SGCZ: variants seen among roughly 807,000 people sequenced by gnomAD.
The protein encoded by SGCZ is zeta-sarcoglycan.
Under a neutral mutation model 41.3 loss-of-function variants are expected in SGCZ, and 40 were observed. That is an observed-to-expected ratio of 0.97 (90% CI 0.75 to 1.26). The LOEUF (loss-of-function observed/expected upper bound fraction) is 1.26, where lower values mean the gene tolerates loss of function less well. Among genes scored for constraint, SGCZ ranks in the 50% most tolerant of loss-of-function variants. The pLI is 0.00. For missense variants in SGCZ, 552 were observed against 369.8 expected, an observed-to-expected ratio of 1.49 and a Z score of -4.04; for synonymous variants, 206 against 137.5, an observed-to-expected ratio of 1.50 and a Z score of -3.49.
intron 1 of SGCZ, among the ~76,000 whole-genome samples, chr8:14,904,035 A>C (rs905029718): frequency 6.6e-6 from 1 of 152,068 alleles, no homozygotes; most frequent in South Asian, 2.1e-4. Flanking sequence ...TTAAAAGTCA[A>C]CTAAAGGAAA....
At chr8:14,145,161 C>A (rs1265019801) in intron 5 of SGCZ, among the ~76,000 whole-genome samples, 1 of 152,162 alleles carries the variant, frequency 6.6e-6, no homozygotes, top group East Asian at 1.9e-4. Context: ...CAGTTCTGAC[C>A]AAGTGCAGTC....
chr8:14,247,556 T>G (rs1799146511), intron 3 of SGCZ, among the ~76,000 whole-genome samples: 1 of 152,204 alleles, frequency 6.6e-6, no homozygotes, highest in Non-Finnish European at 1.5e-5. Context: ...TATCTCTATC[T>G]AAAGTAACAA....
chr8:15,006,732 G>A (rs1041242937), intron 1 of SGCZ, among the ~76,000 whole-genome samples: 3 of 152,128 alleles, frequency 2.0e-5, no homozygotes, highest in Admixed American at 6.5e-5. Context: ...AAATCTTGAC[G>A]AGATTACATT....
chr8:14,805,761 A>G (rs1412597494), intron 1 of SGCZ, among the ~76,000 whole-genome samples: 1 of 152,008 alleles, frequency 6.6e-6, no homozygotes, highest in Non-Finnish European at 1.5e-5. Flanking sequence ...CTCCACCCCA[A>G]ATCAACAGAA....
chr8:14,102,503 A>T lies in SGCZ; in HGVS notation c.621-4T>A, dbSNP rs201479183. 2.0e-4 allele frequency: 276 copies of T among 1,392,630 alleles called. 2 individuals carry two copies. In the African/African-American group the frequency reaches 3.3e-3, roughly 16 times the overall value. 86.3% of individuals were successfully genotyped at this position (1,392,630 alleles called of 1,614,324 possible). ...GGATCTGGTGGGTGATTCAAGCCTA[A>T]GGGAAAAACAAAAAATCATTAATAG... On this transcript the variant is annotated splice_polypyrimidine_tract_variant and splice_region_variant and intron_variant, in intron 6 of 7. Transcript: ENST00000382080.
intron 4 of SGCZ, among the ~76,000 whole-genome samples, chr8:14,177,958 C>CCTT (rs1554472807): frequency 1.3e-4 from 12 of 95,044 alleles, no homozygotes; most frequent in African/African-American, 3.7e-4. Context: ...CTTTTTTTTT[C>CCTT]TTTTTTTTTT....
At chr8:14,177,139 T>C (rs1585203563) in intron 4 of SGCZ, among the ~76,000 whole-genome samples, 1 of 151,622 alleles carries the variant, frequency 6.6e-6, no homozygotes. Flanking sequence ...TGGGGTGGAG[T>C]TGCCTCGCTG....
intron 1 of SGCZ, among the ~76,000 whole-genome samples, chr8:14,600,711 A>T (rs1805563385): frequency 6.6e-6 from 1 of 152,318 alleles, no homozygotes; most frequent in African/African-American, 2.4e-5. Flanking sequence ...CATGATTTCA[A>T]CTAAAAAAAA....
intron 1 of SGCZ, among the ~76,000 whole-genome samples, chr8:14,962,932 G>C (rs1801008703): frequency 2.6e-5 from 4 of 152,116 alleles, no homozygotes; most frequent in Admixed American, 2.0e-4. Context: ...TGGCAACAGG[G>C]GATTAGCCCT....
At chr8:14,746,091 T>C (rs1161400348) in intron 1 of SGCZ, among the ~76,000 whole-genome samples, 1 of 152,030 alleles carries the variant, frequency 6.6e-6, no homozygotes, top group African/African-American at 2.4e-5. Flanking sequence ...TTTGTTACCA[T>C]TTTCCATAAA....
chr8:14,747,494 A>G (rs932884244), intron 1 of SGCZ, among the ~76,000 whole-genome samples: 52 of 152,152 alleles, frequency 3.4e-4, no homozygotes, highest in Admixed American at 2.7e-3. Flanking sequence ...TGCACATGCC[A>G]TTACTATTTT....
At chr8:14,183,867 T>C (rs1190002627) in intron 4 of SGCZ, among the ~76,000 whole-genome samples, 2 of 152,084 alleles carry the variant, frequency 1.3e-5, no homozygotes, top group African/African-American at 4.8e-5. Context: ...GTTATAAGAA[T>C]TGGAAAGAAA....
chr8:15,121,003 C>T (rs1203255373), intron 1 of SGCZ, among the ~76,000 whole-genome samples: 1 of 152,184 alleles, frequency 6.6e-6, no homozygotes, highest in Non-Finnish European at 1.5e-5. Flanking sequence ...TTTCATTTAT[C>T]TGAACACATT....
intron 1 of SGCZ, among the ~76,000 whole-genome samples, chr8:15,157,631 G>C (rs952194469): frequency 7.9e-5 from 12 of 152,028 alleles, no homozygotes; most frequent in African/African-American, 2.9e-4. Flanking sequence ...TTACAGCTCT[G>C]GAACAAGTGA....
intron 3 of SGCZ, among the ~76,000 whole-genome samples, chr8:14,291,167 G>C (rs988963051): frequency 6.6e-6 from 1 of 152,034 alleles, no homozygotes; most frequent in Non-Finnish European, 1.5e-5. Context: ...AAAATGGGGA[G>C]AGTCAGGGAA....
chr8:14,789,076 C>T (rs1449972666), intron 1 of SGCZ, among the ~76,000 whole-genome samples: 1 of 152,156 alleles, frequency 6.6e-6, no homozygotes, highest in Non-Finnish European at 1.5e-5. Context: ...CCCTGCGCCT[C>T]ATTTCTGAAC....
At chr8:14,983,978 AC>A (rs1801752100) in intron 1 of SGCZ, among the ~76,000 whole-genome samples, 1 of 152,182 alleles carries the variant, frequency 6.6e-6, no homozygotes. Context: ...TTAGACTTAT[AC>A]CCAATCAGTA....
chr8:14,122,206 G>A lies in SGCZ; in HGVS notation c.548-13971C>T, dbSNP rs558500984. ...GCAGGAGAATGGCGTGAACCCGGGA[G>A]GTGGAGCTTGCAGTTAGCTGAGATT... On this transcript the variant is annotated intron_variant, in intron 5 of 7. Coordinates refer to ENST00000382080, the MANE Select transcript of SGCZ (RefSeq NM_139167.4). 2.5e-3 allele frequency among the ~76,000 whole-genome samples: 381 copies of A among 152,338 alleles called. 3 individuals carry two copies. Among genetic ancestry groups the A allele is most frequent in the South Asian group, 0.012 (58 of 4,830 alleles).
At chr8:14,518,352 G>C (rs1277015175) in intron 2 of SGCZ, among the ~76,000 whole-genome samples, 1 of 152,012 alleles carries the variant, frequency 6.6e-6, no homozygotes, top group Non-Finnish European at 1.5e-5. Flanking sequence ...GTATGTATGT[G>C]TGTATACATA....
Sources: allele counts gnomAD v4.1 joint callset (sites outside exome capture counted in the v4.1 genomes callset), GRCh38; gene constraint gnomAD v4.1.1; transcripts MANE v1.5; gene names NCBI Gene and HGNC (gene_info 2026-07-23, HGNC 2026-07-21).